MED13: variants seen among roughly 807,000 people sequenced by gnomAD.
MED13 encodes the protein mediator complex subunit 13.
MED13 carries 23 observed loss-of-function variants against 225.2 expected under a neutral mutation model. The ratio of observed to expected loss-of-function variants is 0.10; its 90% CI spans 0.07 to 0.14. The LOEUF (loss-of-function observed/expected upper bound fraction) is 0.14. Among genes scored for constraint, MED13 ranks in the 10% least tolerant of loss-of-function variants. The pLI is 1.00. For missense variants in MED13, 2,197 were observed against 2,594.5 expected (o/e 0.85, Z 3.33); for synonymous variants, 942 against 889.2 (o/e 1.06, Z -1.06).
rs1568012177 is a variant in MED13 at position 62,065,140 on chromosome 17, C to T, written c.66G>A (p.Leu22=). 20 of 1,569,494 alleles carry T rather than the reference C, an allele frequency of 1.3e-5. No individual in the cohort carries two copies. Among genetic ancestry groups the T allele is most frequent in the South Asian group, 3.5e-5 (3 of 85,448 alleles). The stretch of plus-strand genomic sequence containing the variant: ...GGCGCCCGCCGGCCCCGGCACTCAC[C>T]AGGCAGAAGAGGTTACAGTGACAAT... ...LEDCHCNLFC[L]ADLTGIKWKK... is the part of the protein sequence containing the mutation. Residue 22 remains leucine, a splice_region_variant and synonymous_variant, in exon 1 of 30, where the codon CTG becomes CTA. Transcript: ENST00000397786.
At chr17:62,059,225 A>G (rs1389652074) in intron 2 of MED13, among the ~76,000 whole-genome samples, 1 of 152,252 alleles carries the variant, frequency 6.6e-6, no homozygotes, top group Non-Finnish European at 1.5e-5. Context: ...ATATTGGTTC[A>G]TTAGTTAATT....
intron 8 of MED13, among the ~76,000 whole-genome samples, chr17:62,024,456 A>G (rs947075392): frequency 3.3e-5 from 5 of 152,252 alleles, no homozygotes; most frequent in African/African-American, 1.2e-4. Flanking sequence ...TTTCAAAAAG[A>G]ATAAAAAAGT....
chr17:62,060,556 G>A (rs373299042), intron 2 of MED13, among the ~76,000 whole-genome samples: 1 of 148,762 alleles, frequency 6.7e-6, no homozygotes, highest in South Asian at 2.1e-4. Context: ...CCAGGAGGCA[G>A]AGCTTGCAGC....
At chr17:61,995,390 T>A in intron 9 of MED13, 25 bp from the exon 10 acceptor site, 2 of 1,528,688 alleles carry the variant, frequency 1.3e-6, no homozygotes, top group African/African-American at 2.8e-5. Flanking sequence ...TAAAAAAAAT[T>A]AATTATCCAC....
At chr17:62,052,404 G>T in intron 3 of MED13, 133 bp downstream of exon 3, 1 of 505,656 alleles carries the variant, frequency 2.0e-6, no homozygotes. Flanking sequence ...AAACCTGACT[G>T]TATCTAGTAC....
Position 61,946,359 on chromosome 17 carries a change from T to C in MED13, c.*109A>G. 1 of 1,282,482 alleles carries C rather than the reference T, an allele frequency of 7.8e-7. No homozygotes were observed. Among genetic ancestry groups the C allele is most frequent in the South Asian group, 1.4e-5 (1 of 71,608 alleles). 79.4% of individuals were successfully genotyped at this position (1,282,482 alleles called of 1,614,324 possible). A position where few individuals can be genotyped will look rare whatever the true frequency, so the allele number is the denominator to read the frequency against. On this transcript the variant is annotated 3_prime_UTR_variant, in exon 30 of 30. Transcript: ENST00000397786. Reference sequence around the variant, plus strand: ...CAATATTTGTTGAAGTAATAAGAATTAGACCCCATCACAAATGACCTTCAC... The same window carrying C: ...CAATATTTGTTGAAGTAATAAGAATCAGACCCCATCACAAATGACCTTCAC...
chr17:61,963,684 T>C (rs545453341), intron 20 of MED13, among the ~76,000 whole-genome samples: 2 of 152,334 alleles, frequency 1.3e-5, no homozygotes, highest in African/African-American at 4.8e-5. Flanking sequence ...ATGGGTGATT[T>C]GATTTTTTTA....
At chr17:61,954,767 TGAGA>T (rs1259640637) in intron 26 of MED13, among the ~76,000 whole-genome samples, 1 of 152,044 alleles carries the variant, frequency 6.6e-6, no homozygotes, top group Non-Finnish European at 1.5e-5. Flanking sequence ...ACAGAGTGAG[TGAGA>T]CTCTGTCTCA....
At chr17:62,063,817 A>T (rs2081060452) in intron 1 of MED13, among the ~76,000 whole-genome samples, 1 of 152,244 alleles carries the variant, frequency 6.6e-6, no homozygotes, top group Non-Finnish European at 1.5e-5. Context: ...CTCACAAAGA[A>T]CTGTCAGATT....
chr17:61,991,149 C>T (rs957621291), intron 11 of MED13, among the ~76,000 whole-genome samples: 2 of 152,246 alleles, frequency 1.3e-5, no homozygotes, highest in Admixed American at 6.5e-5. Context: ...GACAGAGTCT[C>T]GCTCTGTCAC....
At chr17:62,013,394 A>T (rs1413381699) in intron 8 of MED13, among the ~76,000 whole-genome samples, 1 of 152,182 alleles carries the variant, frequency 6.6e-6, no homozygotes, top group Non-Finnish European at 1.5e-5. Flanking sequence ...AAAGAAAAAA[A>T]TATCATGCAT....
chr17:62,035,349 A>C (rs2080793129), intron 4 of MED13, 114 bp downstream of exon 4: 1 of 925,380 alleles, frequency 1.1e-6, no homozygotes, highest in Non-Finnish European at 1.5e-6. Flanking sequence ...CATCAAAATC[A>C]TCATTAGGCT....
chr17:61,974,455 T>C (rs1367178064), intron 16 of MED13, among the ~76,000 whole-genome samples: 1 of 152,090 alleles, frequency 6.6e-6, no homozygotes, highest in Non-Finnish European at 1.5e-5. Flanking sequence ...TCAAGTACTA[T>C]GCTTATTACC....
At chr17:61,970,679 CAAAAAA>C (rs10600340) in intron 17 of MED13, among the ~76,000 whole-genome samples, 2 of 46,918 alleles carry the variant, frequency 4.3e-5, no homozygotes, top group African/African-American at 1.7e-4. Flanking sequence ...GAGACTGTCT[CAAAAAA>C]AAAAAAAAAA....
rs772242133 is a variant in MED13 at position 61,995,138 on chromosome 17, G to A, written c.2181+14C>T. The stretch of plus-strand genomic sequence containing the variant: ...ATCAACAGTGACCCTTTGGTGTACT[G>A]TGATTTCTCTTACCTTGTGTTTTTT... On this transcript the variant is annotated intron_variant, in intron 10 of 29. Transcript: ENST00000397786. The A allele has an allele frequency of 1.9e-6, 3 of 1,584,864 alleles. 1 individual carries two copies. In the South Asian group the frequency reaches 3.3e-5, roughly 18 times the overall value.
intron 8 of MED13, among the ~76,000 whole-genome samples, chr17:62,011,911 A>G (rs74982987): frequency 0.067 from 10,170 of 152,156 alleles, 1,161 homozygotes; most frequent in African/African-American, 0.23. Context: ...AAATCAAACA[A>G]TTTTGTTAAG....
At chr17:62,032,504 A>C (rs1345923145) in intron 5 of MED13, 1 of 151,460 alleles carries the variant, frequency 6.6e-6, no homozygotes, top group East Asian at 1.9e-4. Context: ...AAAAAAGATG[A>C]AATAAGGTGA....
chr17:62,024,037 A>C (rs1011348422), intron 8 of MED13, among the ~76,000 whole-genome samples: 2 of 133,132 alleles, frequency 1.5e-5, no homozygotes, highest in Non-Finnish European at 3.2e-5. Context: ...TTTTTTTTTG[A>C]GACGGAGTCT....
At chr17:62,033,648 A>T in intron 5 of MED13, 139 bp downstream of exon 5, 1 of 767,924 alleles carries the variant, frequency 1.3e-6, no homozygotes, top group Non-Finnish European at 2.1e-6. Flanking sequence ...GCCCTTAAGT[A>T]ATGTGGGCAG....
Sources: allele counts gnomAD v4.1 joint callset (sites outside exome capture counted in the v4.1 genomes callset), GRCh38; gene constraint gnomAD v4.1.1; transcripts MANE v1.5; gene names NCBI Gene and HGNC (gene_info 2026-07-23, HGNC 2026-07-21).